FRMD3: variants seen among roughly 807,000 people sequenced by gnomAD.
The protein encoded by FRMD3 is FERM domain-containing protein 3.
FRMD3 carries 33 observed loss-of-function variants against 70.2 expected under a neutral mutation model. That is an observed-to-expected ratio of 0.47 (90% CI 0.36 to 0.63). The LOEUF (loss-of-function observed/expected upper bound fraction) is 0.63. Ranked by LOEUF, FRMD3 falls within the 20% of genes least tolerant of loss-of-function variation. FRMD3 has a pLI of 0.00. For synonymous variants in FRMD3, 279 were observed against 255.9 expected (o/e 1.09, Z -0.86); for missense variants, 632 against 711.4 (o/e 0.89, Z 1.27).
At chr9:83,359,072 C>G (rs1824498649) in intron 3 of FRMD3, among the ~76,000 whole-genome samples, 1 of 152,134 alleles carries the variant, frequency 6.6e-6, no homozygotes, top group African/African-American at 2.4e-5. Context: ...CAGTGATGAT[C>G]CTTCCCCCAC....
chr9:83,377,603 A>G (rs1437796004), intron 2 of FRMD3, among the ~76,000 whole-genome samples: 1 of 151,944 alleles, frequency 6.6e-6, no homozygotes, highest in Non-Finnish European at 1.5e-5. Flanking sequence ...TGGTCATGTA[A>G]AAGTGTGTGG....
intron 1 of FRMD3, among the ~76,000 whole-genome samples, chr9:83,505,003 G>A (rs1329619542): frequency 1.3e-5 from 2 of 152,108 alleles, no homozygotes; most frequent in Non-Finnish European, 2.9e-5. Context: ...AAATAGTGAG[G>A]TATCAGAGTT....
intron 1 of FRMD3, among the ~76,000 whole-genome samples, chr9:83,436,831 A>G (rs927486287): frequency 1.3e-5 from 2 of 151,208 alleles, no homozygotes; most frequent in African/African-American, 4.9e-5. Context: ...AAGAATACCA[A>G]TCCAGATGAT....
intron 3 of FRMD3, among the ~76,000 whole-genome samples, chr9:83,363,692 C>T (rs988369256): frequency 2.0e-5 from 3 of 151,586 alleles, no homozygotes; most frequent in Non-Finnish European, 2.9e-5. Flanking sequence ...GTAGCTGGGA[C>T]TACAGGCGCC....
intron 2 of FRMD3, among the ~76,000 whole-genome samples, chr9:83,379,758 C>T (rs560896198): frequency 1.3e-5 from 2 of 152,254 alleles, no homozygotes; most frequent in South Asian, 4.2e-4. Flanking sequence ...TACCCCACCT[C>T]ACCCTCCACA....
intron 13 of FRMD3, among the ~76,000 whole-genome samples, chr9:83,258,879 A>T (rs1000116725): frequency 1.3e-5 from 2 of 152,206 alleles, no homozygotes; most frequent in Admixed American, 1.3e-4. Context: ...GGTGGGTGGC[A>T]TCATTAGGAA....
chr9:83,261,102 G>GATACACACACACACAC (rs71498040), intron 13 of FRMD3, among the ~76,000 whole-genome samples: 2 of 133,038 alleles, frequency 1.5e-5, no homozygotes, highest in Non-Finnish European at 3.2e-5. Context: ...AGGAAACTTA[G>GATACACACACACACAC]ACACACACAC....
intron 1 of FRMD3, among the ~76,000 whole-genome samples, chr9:83,449,295 A>G (rs1423711864): frequency 2.0e-5 from 3 of 152,200 alleles, no homozygotes; most frequent in Non-Finnish European, 4.4e-5. Flanking sequence ...CAGCTCTACG[A>G]GCTTCCATCT....
intron 1 of FRMD3, among the ~76,000 whole-genome samples, chr9:83,435,156 C>A (rs1320353710): frequency 6.6e-6 from 1 of 152,124 alleles, no homozygotes; most frequent in Non-Finnish European, 1.5e-5. Flanking sequence ...GTTCCTTGCT[C>A]AGTGTTTCTC....
At position 83,345,753 on chromosome 9, in the gene FRMD3, T is replaced by C. The variant is rs907038765; in HGVS notation, c.375-2466A>G. 2.0e-5 allele frequency among the ~76,000 whole-genome samples: 3 copies of C among 151,558 alleles called. No homozygotes were observed. The East Asian group carries it at 5.8e-4, about 29-fold the overall frequency. ...GCCTGGGTGACAGAGCAAGACTCCA[T>C]CTCAAAAAATAAATAAAAATAAAGA... On this transcript the variant is annotated intron_variant, in intron 4 of 13. Transcript: ENST00000304195.
chr9:83,520,223 C>G (rs192086469), intron 1 of FRMD3, among the ~76,000 whole-genome samples: 2 of 152,256 alleles, frequency 1.3e-5, no homozygotes, highest in Admixed American at 6.5e-5. Flanking sequence ...TTCCTTCCCC[C>G]CCTGGACTTC....
At chr9:83,320,809 ATGTTGTTT>A (rs924856154) in intron 6 of FRMD3, among the ~76,000 whole-genome samples, 48 of 151,848 alleles carry the variant, frequency 3.2e-4, no homozygotes, top group Non-Finnish European at 5.6e-4. Flanking sequence ...TCCTGGATGG[ATGTTGTTT>A]TGTTGTTTTG....
At chr9:83,485,325 A>C (rs1828664563) in intron 1 of FRMD3, among the ~76,000 whole-genome samples, 2 of 152,224 alleles carry the variant, frequency 1.3e-5, no homozygotes, top group Non-Finnish European at 2.9e-5. Context: ...ACCTCAGAGT[A>C]ATTCGTAAAT....
chr9:83,299,748 C>A (rs1834828600), intron 10 of FRMD3, among the ~76,000 whole-genome samples: 1 of 152,202 alleles, frequency 6.6e-6, no homozygotes, highest in African/African-American at 2.4e-5. Context: ...GTCACCATGA[C>A]CCAGTGCCCT....
Position 83,354,611 on chromosome 9 carries a change from T to C in FRMD3, c.296-4854A>G, listed in dbSNP as rs1344456057. On this transcript the variant is annotated intron_variant, in intron 3 of 13. Coordinates refer to ENST00000304195, the MANE Select transcript of FRMD3 (RefSeq NM_174938.6). ...CCAAACCTCAGCATCATGAAAAATA[T>C]CCAGCTAATAAACCTGTGCATGTAA... Among the ~76,000 whole-genome samples the C allele has an allele frequency of 3.3e-5, 5 of 152,256 alleles. No individual in the cohort carries two copies. The East Asian group carries it at 5.8e-4, about 18-fold the overall frequency.
intron 13 of FRMD3, among the ~76,000 whole-genome samples, chr9:83,283,090 C>T (rs1202303097): frequency 6.6e-6 from 1 of 151,994 alleles, no homozygotes; most frequent in Non-Finnish European, 1.5e-5. Context: ...CAAAGAAAAA[C>T]ATGAAAGAAA....
At chr9:83,488,947 A>G (rs6559728) in intron 1 of FRMD3, among the ~76,000 whole-genome samples, 80,658 of 150,584 alleles carry the variant, frequency 0.54, 22,139 homozygotes, top group Non-Finnish European at 0.56. Context: ...TTTTCCCCTC[A>G]GCTGGAGCTT....
intron 1 of FRMD3, among the ~76,000 whole-genome samples, chr9:83,479,210 G>A (rs1300677841): frequency 6.6e-6 from 1 of 151,800 alleles, no homozygotes; most frequent in Non-Finnish European, 1.5e-5. Flanking sequence ...AGCACTTTAG[G>A]AGAATGAGGT....
At chr9:83,444,722 T>G (rs1475204365) in intron 1 of FRMD3, among the ~76,000 whole-genome samples, 10 of 152,194 alleles carry the variant, frequency 6.6e-5, no homozygotes, top group African/African-American at 2.4e-4. Flanking sequence ...TGCTTCTGCC[T>G]TTGCTGTAAG....
Sources: allele counts gnomAD v4.1 joint callset (sites outside exome capture counted in the v4.1 genomes callset), GRCh38; gene constraint gnomAD v4.1.1; transcripts MANE v1.5; gene names NCBI Gene and HGNC (gene_info 2026-07-23, HGNC 2026-07-21).